ATP8B4: variants seen among roughly 807,000 people sequenced by gnomAD.
ATP8B4 encodes probable phospholipid-transporting ATPase IM.
A neutral mutation model predicts 145.6 loss-of-function variants in ATP8B4; 133 were observed. The ratio of observed to expected loss-of-function variants is 0.91; its 90% CI spans 0.79 to 1.05. ATP8B4 has a LOEUF of 1.05. ATP8B4 is among the 50% of genes least tolerant of loss of function. ATP8B4 has a pLI of 0.00. For synonymous variants in ATP8B4, 507 were observed against 492.9 expected, an observed-to-expected ratio of 1.03 and a Z score of -0.38; for missense variants, 1,458 against 1,425.2, an observed-to-expected ratio of 1.02 and a Z score of -0.37.
chr15:50,153,992 T>C (rs1162899461), intron 1 of ATP8B4, among the ~76,000 whole-genome samples: 2 of 152,208 alleles, frequency 1.3e-5, no homozygotes, highest in African/African-American at 4.8e-5. Flanking sequence ...AGTTTTATAT[T>C]AGTGTATTTT....
intron 6 of ATP8B4, among the ~76,000 whole-genome samples, chr15:50,028,056 C>T (rs1231552630): frequency 6.6e-6 from 1 of 152,204 alleles, no homozygotes; most frequent in African/African-American, 2.4e-5. Context: ...CTTCCTTCTA[C>T]AATATTCAGT....
chr15:49,948,811 C>T (rs1356947387), intron 14 of ATP8B4, among the ~76,000 whole-genome samples: 1 of 152,154 alleles, frequency 6.6e-6, no homozygotes. Flanking sequence ...AATTACATCC[C>T]ATCAGTCAAT....
rs752340500 is a variant in ATP8B4, at chr15:50,044,549, C to T, written c.300+45G>A. ...TTCATTATCTATTTCTGAGAAGCCACAACTGAAATTGAGACCTCAAGAATG... is the reference window on the plus strand; with the variant it reads ...TTCATTATCTATTTCTGAGAAGCCATAACTGAAATTGAGACCTCAAGAATG... On this transcript the variant is annotated intron_variant, in intron 5 of 27. Transcript: ENST00000284509. 8 of 1,343,864 alleles carry T rather than the reference C, an allele frequency of 6.0e-6. No individual in the cohort carries two copies. The South Asian group carries it at 1.0e-4, about 18-fold the overall frequency. The allele number at this position is 1,343,864 out of a possible 1,614,324, so 83.2% of individuals were successfully genotyped here.
chr15:49,897,131 C>T, intron 23 of ATP8B4, 161 bp downstream of exon 23: 1 of 658,452 alleles, frequency 1.5e-6, no homozygotes. Context: ...GGGTACAAAG[C>T]TCAAGTCAAC....
intron 1 of ATP8B4, among the ~76,000 whole-genome samples, chr15:50,110,343 G>A (rs2056878961): frequency 6.6e-6 from 1 of 152,150 alleles, no homozygotes; most frequent in Admixed American, 6.5e-5. Context: ...TAGTAATGTA[G>A]CAGATTCTAG....
At chr15:50,171,938 C>T (rs2044680383) in intron 1 of ATP8B4, among the ~76,000 whole-genome samples, 3 of 152,296 alleles carry the variant, frequency 2.0e-5, no homozygotes, top group Admixed American at 2.0e-4. Context: ...ACTATGAACA[C>T]CTTATGCACA....
At chr15:49,983,425 C>T (rs1300041171) in intron 10 of ATP8B4, among the ~76,000 whole-genome samples, 1 of 152,132 alleles carries the variant, frequency 6.6e-6, no homozygotes, top group Non-Finnish European at 1.5e-5. Context: ...GCCTGGTCAT[C>T]AAAGCTTGTC....
At chr15:50,007,523 C>T (rs1179543221) in intron 7 of ATP8B4, among the ~76,000 whole-genome samples, 1 of 152,240 alleles carries the variant, frequency 6.6e-6, no homozygotes, top group African/African-American at 2.4e-5. Flanking sequence ...ACTACATAAC[C>T]TGCCCTTACT....
chr15:50,147,940 AT>A (rs1351087475), intron 1 of ATP8B4, among the ~76,000 whole-genome samples: 1 of 152,234 alleles, frequency 6.6e-6, no homozygotes, highest in African/African-American at 2.4e-5. Context: ...TATTTATACA[AT>A]CTAAAAGTAT....
intron 12 of ATP8B4, among the ~76,000 whole-genome samples, 193 bp downstream of exon 12, chr15:49,979,424 G>A (rs796198412): frequency 4.6e-5 from 7 of 152,062 alleles, no homozygotes; most frequent in African/African-American, 1.2e-4. Context: ...AAAATTAACC[G>A]CATTTATTGT....
At chr15:50,127,762 G>C (rs1018146485) in intron 1 of ATP8B4, among the ~76,000 whole-genome samples, 3 of 152,174 alleles carry the variant, frequency 2.0e-5, no homozygotes, top group Non-Finnish European at 4.4e-5. Flanking sequence ...AGATAAAACT[G>C]TTCAAGGCAG....
chr15:49,918,871 A>C lies in ATP8B4; in HGVS notation c.2003T>G (p.Ile668Ser). Residue 668 changes from isoleucine to serine, a missense_variant, in exon 19 of 28, where the codon ATT (isoleucine) becomes AGT (serine). Ile to Ser is a moderately radical substitution (Grantham distance 142, BLOSUM62 -2). Coordinates refer to ENST00000284509, the MANE Select transcript of ATP8B4 (RefSeq NM_024837.4). The part of the protein sequence containing the change: ...ETVTSLSLAN[I>S]KIWVLTGDKQ... The stretch of plus-strand genomic sequence containing the variant: ...GTCTCCTGTTAGGACCCAGATCTTA[A>C]TATTGGCTAGTGATAAACTTGTAAC... The C allele has an allele frequency of 6.2e-7, 1 of 1,613,264 alleles. No individual in the cohort carries two copies. Among genetic ancestry groups the C allele is most frequent in the Non-Finnish European group, 8.5e-7 (1 of 1,179,314 alleles).
chr15:50,047,311 TAAAC>T, intron 4 of ATP8B4, 36 bp downstream of exon 4: 2 of 1,298,580 alleles, frequency 1.5e-6, no homozygotes, highest in Non-Finnish European at 1.1e-6. Flanking sequence ...ATGAATACTT[TAAAC>T]AAACAGATAA....
intron 14 of ATP8B4, among the ~76,000 whole-genome samples, chr15:49,941,840 C>A (rs1473702138): frequency 6.6e-6 from 1 of 152,102 alleles, no homozygotes; most frequent in Admixed American, 6.5e-5. Flanking sequence ...TATATATACA[C>A]CGTGGAATAC....
At chr15:50,070,086 G>A (rs1214791782) in intron 3 of ATP8B4, among the ~76,000 whole-genome samples, 4 of 152,170 alleles carry the variant, frequency 2.6e-5, no homozygotes, top group Non-Finnish European at 5.9e-5. Flanking sequence ...GTTTAATATA[G>A]TACAGTGCTT....
chr15:50,030,388 T>G (rs1274839492), intron 6 of ATP8B4, among the ~76,000 whole-genome samples: 2 of 152,166 alleles, frequency 1.3e-5, no homozygotes, highest in African/African-American at 4.8e-5. Context: ...TTCGCTGCAA[T>G]AGATTTGAGT....
chr15:50,144,926 G>A (rs2153680216), intron 1 of ATP8B4, among the ~76,000 whole-genome samples: 1 of 152,248 alleles, frequency 6.6e-6, no homozygotes, highest in East Asian at 1.9e-4. Flanking sequence ...GGAAGCAGTT[G>A]CTTCCATATC....
intron 6 of ATP8B4, among the ~76,000 whole-genome samples, 177 bp downstream of exon 6, chr15:50,038,591 G>A (rs996976638): frequency 6.6e-6 from 1 of 152,038 alleles, no homozygotes; most frequent in African/African-American, 2.4e-5. Flanking sequence ...AGTAGCACAA[G>A]CATTTGCGGA....
At chr15:49,995,679 T>G (rs895654528) in intron 9 of ATP8B4, among the ~76,000 whole-genome samples, 1 of 152,208 alleles carries the variant, frequency 6.6e-6, no homozygotes, top group Non-Finnish European at 1.5e-5. Flanking sequence ...CATGTGATTA[T>G]GCTAATACCC....
Sources: gnomAD v4.1 joint callset for allele counts (sites outside exome capture counted in the v4.1 genomes callset) on GRCh38, gnomAD v4.1.1 for gene constraint, MANE v1.5 for transcripts, NCBI Gene and HGNC (gene_info 2026-07-23, HGNC 2026-07-21) for gene names.